Variants in EYS observed in about 807,000 individuals in gnomAD.
EYS encodes protein eyes shut homolog.
A neutral mutation model predicts 282.1 loss-of-function variants in EYS; 250 were observed. That is an observed-to-expected ratio of 0.89 (90% confidence interval 0.80 to 0.98). The LOEUF is 0.98. Among genes scored for constraint, EYS ranks in the 50% least tolerant of loss-of-function variants. The pLI is 0.00. For missense variants in EYS, 4,016 were observed against 3,709.0 expected (o/e 1.08, Z -2.15); for synonymous variants, 1,355 against 1,282.9 (o/e 1.06, Z -1.20).
At chr6:63,934,480 C>A (rs1426107419) in intron 35 of EYS, among the ~76,000 whole-genome samples, 1 of 152,076 alleles carries the variant, frequency 6.6e-6, no homozygotes, top group East Asian at 1.9e-4. Flanking sequence ...TTCACAATAG[C>A]AAAGACTTGG....
At chr6:64,684,985 G>C (rs1770038553) in intron 22 of EYS, among the ~76,000 whole-genome samples, 1 of 151,858 alleles carries the variant, frequency 6.6e-6, no homozygotes, top group Non-Finnish European at 1.5e-5. Flanking sequence ...GCATATAAAA[G>C]GTAGACATTT....
intron 35 of EYS, among the ~76,000 whole-genome samples, chr6:63,982,811 G>A (rs767731208): frequency 2.0e-5 from 3 of 151,706 alleles, no homozygotes; most frequent in Non-Finnish European, 2.9e-5. Flanking sequence ...TAGGGAGGGA[G>A]AAAACACAAT....
chr6:63,996,771 TTAAA>T (rs1181140532), intron 34 of EYS, among the ~76,000 whole-genome samples: 3 of 152,086 alleles, frequency 2.0e-5, no homozygotes, highest in Non-Finnish European at 4.4e-5. Context: ...TTGGTAACAA[TTAAA>T]TAATTTAAAA....
intron 31 of EYS, among the ~76,000 whole-genome samples, chr6:64,100,888 CT>C (rs1216515430): frequency 4.6e-5 from 7 of 152,122 alleles, no homozygotes; most frequent in Non-Finnish European, 8.8e-5. Context: ...CCTCCACCTG[CT>C]CATTGTCATT....
At chr6:63,973,627 G>C (rs1256371381) in intron 35 of EYS, among the ~76,000 whole-genome samples, 2 of 152,044 alleles carry the variant, frequency 1.3e-5, no homozygotes, top group African/African-American at 4.8e-5. Flanking sequence ...ATCATTTTAA[G>C]ATAAATTCGT....
At chr6:63,756,507 A>G (rs2149651974) in intron 41 of EYS, among the ~76,000 whole-genome samples, 1 of 152,198 alleles carries the variant, frequency 6.6e-6, no homozygotes, top group South Asian at 2.1e-4. Flanking sequence ...GCTTTTTGAT[A>G]TGCTCCTGGA....
chr6:65,446,189 A>G (rs1768650177), intron 5 of EYS, among the ~76,000 whole-genome samples: 2 of 151,930 alleles, frequency 1.3e-5, no homozygotes, highest in African/African-American at 4.8e-5. Context: ...GACACAAGAG[A>G]TAATACATCA....
At chr6:63,866,276 A>G (rs757316568) in intron 35 of EYS, among the ~76,000 whole-genome samples, 9 of 152,196 alleles carry the variant, frequency 5.9e-5, no homozygotes, top group Non-Finnish European at 1.2e-4. Context: ...GTTTGGGGGT[A>G]ATGGATAAAT....
intron 1 of EYS, among the ~76,000 whole-genome samples, chr6:65,660,754 C>A (rs1392711015): frequency 4.6e-5 from 7 of 151,766 alleles, no homozygotes; most frequent in Non-Finnish European, 1.0e-4. Context: ...CTGTGATCAC[C>A]TTAATTTCTT....
chr6:64,292,763 AAAC>A (rs1296863482), intron 30 of EYS, among the ~76,000 whole-genome samples: 4 of 152,234 alleles, frequency 2.6e-5, no homozygotes, highest in Non-Finnish European at 5.9e-5. Flanking sequence ...AACAAATGAC[AAAC>A]AACAAGTACA....
rs527705624 is a variant in EYS, at chr6:65,473,166, A to T, written c.862+17428T>A. ...TTATTACTATATGTAGACAGATTCA[A>T]GCAAATAAAACTAGAGAAAAAGGTA... is the stretch of plus-strand genomic sequence containing the variant. On this transcript the variant is annotated intron_variant, in intron 5 of 42. Coordinates refer to ENST00000503581, the MANE Select transcript of EYS (RefSeq NM_001142800.2). Among the ~76,000 whole-genome samples, 248 of 152,110 alleles carry T rather than the reference A, an allele frequency of 1.6e-3. 1 individual carries two copies. The highest frequency in any genetic ancestry group is 3.4e-3 in the Middle Eastern group (1 of 294).
At chr6:64,422,966 CT>C (rs1774285006) in intron 28 of EYS, among the ~76,000 whole-genome samples, 1 of 79,570 alleles carries the variant, frequency 1.3e-5, no homozygotes, top group East Asian at 6.9e-4. Flanking sequence ...ATATAAAATA[CT>C]TTCTTTTTTA....
intron 28 of EYS, among the ~76,000 whole-genome samples, chr6:64,396,165 T>C (rs73764429): frequency 0.033 from 4,952 of 152,080 alleles, 256 homozygotes; most frequent in African/African-American, 0.11. Context: ...AATTGAATAG[T>C]TTATTTATTT....
chr6:64,429,990 A>T (rs958869774), intron 28 of EYS, among the ~76,000 whole-genome samples: 3 of 152,164 alleles, frequency 2.0e-5, no homozygotes. Context: ...TTAGAAACAA[A>T]TTTTTTATTT....
intron 31 of EYS, among the ~76,000 whole-genome samples, chr6:64,097,871 A>G (rs1772685606): frequency 6.6e-6 from 1 of 152,230 alleles, no homozygotes; most frequent in South Asian, 2.1e-4. Context: ...AATTGGACAA[A>G]TTACAAAAAG....
In EYS at chr6:64,590,292, G is replaced by A. The variant is rs1766362463; in HGVS notation, c.5575C>T (p.Pro1859Ser). ...GACAAAGTAAGAGATCTAGTGAAGG[G>A]AAGATGCCGGCTTGCAGTGGGAAAT... ...QEFPTASRHL[P>S]FTRSLTLSSL... Residue 1859 changes from proline (P) to serine (S), a missense_variant, in exon 26 of 43, where the codon CCC becomes TCC. Coordinates refer to ENST00000503581, the MANE Select transcript of EYS (RefSeq NM_001142800.2). 1.3e-6 allele frequency: 2 copies of A among 1,551,176 alleles called. No individual in the cohort carries two copies. The highest frequency in any genetic ancestry group is 1.7e-6 in the Non-Finnish European group (2 of 1,146,618).
intron 41 of EYS, among the ~76,000 whole-genome samples, chr6:63,755,352 A>G (rs1196614928): frequency 6.6e-6 from 1 of 152,208 alleles, no homozygotes; most frequent in Non-Finnish European, 1.5e-5. Flanking sequence ...ACATGTGGCT[A>G]GCCAGTTTTC....
chr6:64,318,938 A>T (rs1347025009), intron 29 of EYS, among the ~76,000 whole-genome samples: 1 of 151,854 alleles, frequency 6.6e-6, no homozygotes, highest in South Asian at 2.1e-4. Flanking sequence ...CCTTCAGTTA[A>T]TCTAAAAGAT....
intron 12 of EYS, among the ~76,000 whole-genome samples, chr6:65,237,494 G>A (rs997608873): frequency 2.6e-5 from 4 of 152,090 alleles, no homozygotes; most frequent in Non-Finnish European, 5.9e-5. Flanking sequence ...GGCAAAAGGG[G>A]ATTAAAGAAG....
Sources: allele counts gnomAD v4.1 joint callset (sites outside exome capture counted in the v4.1 genomes callset), GRCh38; gene constraint gnomAD v4.1.1; transcripts MANE v1.5; gene names NCBI Gene and HGNC (gene_info 2026-07-23, HGNC 2026-07-21).